Variants in SHROOM3 observed in about 807,000 individuals in gnomAD.
The protein encoded by SHROOM3 is shroom family member 3, also known as protein Shroom3.
Under a neutral mutation model 138.6 loss-of-function variants are expected in SHROOM3, and 47 were observed. The ratio of observed to expected loss-of-function variants is 0.34; its 90% CI spans 0.27 to 0.43. The LOEUF (loss-of-function observed/expected upper bound fraction) is 0.43, where lower values mean the gene tolerates loss of function less well. SHROOM3 is among the 20% of genes least tolerant of loss of function. SHROOM3 has a pLI of 1.00. For missense variants in SHROOM3, 2,491 were observed against 2,596.5 expected, an observed-to-expected ratio of 0.96 and a Z score of 0.88; for synonymous variants, 1,062 against 1,063.3, an observed-to-expected ratio of 1.00 and a Z score of 0.02.
chr4:76,688,650 A>G, intron 2 of SHROOM3: 1 of 985,328 alleles, frequency 1.0e-6, no homozygotes, highest in East Asian at 1.1e-4. Context: ...GATGAAACTT[A>G]AACTAGCACC....
chr4:76,708,486 A>G (rs1245670318), intron 2 of SHROOM3, among the ~76,000 whole-genome samples: 1 of 152,134 alleles, frequency 6.6e-6, no homozygotes, highest in African/African-American at 2.4e-5. Context: ...CCTGGTCTTG[A>G]TTGTTTTCCC....
intron 1 of SHROOM3, among the ~76,000 whole-genome samples, chr4:76,473,611 A>G (rs1731422920): frequency 6.6e-6 from 1 of 152,192 alleles, no homozygotes; most frequent in Admixed American, 6.5e-5. Flanking sequence ...TCTGTCTCAA[A>G]AAAAGAAAAA....
At chr4:76,659,027 CAAACCAAAAAA>C (rs1403303995) in intron 2 of SHROOM3, among the ~76,000 whole-genome samples, 4 of 80,794 alleles carry the variant, frequency 5.0e-5, no homozygotes, top group Non-Finnish European at 8.7e-5. Context: ...TATGATTAAA[CAAACCAAAAAA>C]AAAAAGGCTC....
chr4:76,568,205 C>A (rs2110036584), intron 2 of SHROOM3, among the ~76,000 whole-genome samples: 1 of 152,314 alleles, frequency 6.6e-6, no homozygotes, highest in Admixed American at 6.5e-5. Flanking sequence ...GCCAGGCTGC[C>A]TGACATTGCC....
At chr4:76,544,306 A>G (rs1733165045) in intron 1 of SHROOM3, among the ~76,000 whole-genome samples, 1 of 151,928 alleles carries the variant, frequency 6.6e-6, no homozygotes, top group South Asian at 2.1e-4. Flanking sequence ...TAAAACACTT[A>G]TATCACATTG....
chr4:76,651,401 A>ATATATAT lies in SHROOM3; in HGVS notation c.324-58755_324-58754insTATATAT, dbSNP rs1735955382. On this transcript the variant is annotated intron_variant, in intron 2 of 10. Transcript: ENST00000296043. ...ATTAACACATCTCATGTAACCCATA[A>ATATATAT]ATATATATATATATATATATATATA... 7.6e-4 allele frequency among the ~76,000 whole-genome samples: 66 copies of ATATATAT among 86,754 alleles called. 1 individual carries two copies. The highest frequency in any genetic ancestry group is 1.4e-3 in the Non-Finnish European group (58 of 41,174). The allele number at this position is 86,754 out of a possible 152,430, so 56.9% of individuals were successfully genotyped here.
At chr4:76,607,991 A>G (rs1249805140) in intron 2 of SHROOM3, among the ~76,000 whole-genome samples, 1 of 152,138 alleles carries the variant, frequency 6.6e-6, no homozygotes, top group Non-Finnish European at 1.5e-5. Flanking sequence ...TCACTCCAAA[A>G]CAGTGCCCAG....
chr4:76,562,911 A>T (rs1280676012), intron 2 of SHROOM3, among the ~76,000 whole-genome samples: 1 of 152,234 alleles, frequency 6.6e-6, no homozygotes, highest in Admixed American at 6.5e-5. Context: ...TTTTTTTCTT[A>T]TAAATTGACA....
At chr4:76,669,687 AT>A (rs1461105334) in intron 2 of SHROOM3, among the ~76,000 whole-genome samples, 1 of 152,192 alleles carries the variant, frequency 6.6e-6, no homozygotes, top group Non-Finnish European at 1.5e-5. Context: ...TAAAAAAAAA[AT>A]AATAATTGTT....
In SHROOM3 at chr4:76,778,935, C is replaced by T. The variant is rs1245675026; in HGVS notation, c.5749C>T (p.Gln1917Ter). 6.2e-7 allele frequency: 1 copy of T among 1,613,782 alleles called. No individual in the cohort carries two copies. Among genetic ancestry groups the T allele is most frequent in the Non-Finnish European group, 8.5e-7 (1 of 1,180,046 alleles). The change falls in exon 11 of 11, where the codon CAG (glutamine) becomes TAG (stop). Residue 1917 changes from glutamine to a stop codon, truncating the protein, a stop_gained. Coordinates refer to ENST00000296043, the MANE Select transcript of SHROOM3 (RefSeq NM_020859.4). LOFTEE classifies it low-confidence loss of function (END_TRUNC). ...GILANYLSEEQLQDYQHFVKM... is the reference protein window; with the variant it reads ...GILANYLSEE ...CTTGGCCAATTACCTTTCAGAGGAG[C>T]AGCTCCAGGACTACCAGCACTTCGT...
chr4:76,609,945 C>T (rs892341908), intron 2 of SHROOM3, among the ~76,000 whole-genome samples: 1 of 152,046 alleles, frequency 6.6e-6, no homozygotes, highest in South Asian at 2.1e-4. Flanking sequence ...TACCTGGTAC[C>T]CATTTTGTTT....
intron 2 of SHROOM3, among the ~76,000 whole-genome samples, chr4:76,597,474 AT>A (rs1305490668): frequency 7.9e-5 from 12 of 152,062 alleles, no homozygotes; most frequent in Admixed American, 2.0e-4. Flanking sequence ...TATTTTTACT[AT>A]TTTGTTATGA....
intron 2 of SHROOM3, among the ~76,000 whole-genome samples, chr4:76,558,092 G>T (rs1410070566): frequency 1.3e-5 from 2 of 152,180 alleles, no homozygotes; most frequent in African/African-American, 4.8e-5. Flanking sequence ...CACTCCTGAT[G>T]TGTTTCAACA....
chr4:76,772,174 G>C (rs1008171542), intron 10 of SHROOM3, among the ~76,000 whole-genome samples: 5 of 146,712 alleles, frequency 3.4e-5, no homozygotes, highest in African/African-American at 1.3e-4. Flanking sequence ...CGCAATCTAA[G>C]CTCACTGCAA....
chr4:76,766,141 G>T (rs749312317), intron 9 of SHROOM3, among the ~76,000 whole-genome samples: 1 of 152,182 alleles, frequency 6.6e-6, no homozygotes, highest in Non-Finnish European at 1.5e-5. Context: ...TTCCTCATCG[G>T]TAAACGGGGA....
intron 2 of SHROOM3, among the ~76,000 whole-genome samples, chr4:76,680,324 A>G (rs1719155648): frequency 6.6e-6 from 1 of 152,108 alleles, no homozygotes; most frequent in Admixed American, 6.5e-5. Flanking sequence ...GTATTTTAGT[A>G]GACACGGGGT....
Position 76,740,354 on chromosome 4 carries a change from G to A in SHROOM3, c.2181G>A (p.Gly727=). 6.2e-7 allele frequency: 1 copy of A among 1,613,116 alleles called. No homozygotes were observed. The highest frequency in any genetic ancestry group is 8.5e-7 in the Non-Finnish European group (1 of 1,180,022). ...AGGTTTCCTACCCGCGGCCCGAGGG[G>A]AGGACCGGTGCCTCGGCTTCTTTCA... The part of the protein sequence containing the change: ...DRQVSYPRPE[G]RTGASASFNS... Residue 727 remains glycine (G), a synonymous_variant, in exon 5 of 11, where the codon GGG becomes GGA. Coordinates refer to ENST00000296043, the MANE Select transcript of SHROOM3 (RefSeq NM_020859.4). This position sits in a 1 kb window ranked among gnomAD's most constrained non-coding sequence, Gnocchi z 4.0.
chr4:76,542,119 CT>C (rs1430880213), intron 1 of SHROOM3, among the ~76,000 whole-genome samples: 2 of 150,008 alleles, frequency 1.3e-5, no homozygotes, highest in African/African-American at 4.9e-5. Context: ...TTATGCTAAG[CT>C]TTACATTCAT....
At chr4:76,618,673 A>G (rs562811544) in intron 2 of SHROOM3, among the ~76,000 whole-genome samples, 9 of 152,190 alleles carry the variant, frequency 5.9e-5, no homozygotes, top group Non-Finnish European at 1.0e-4. Context: ...CAATATTTCA[A>G]TGCATATTTC....
Sources: gnomAD v4.1 joint callset for allele counts (sites outside exome capture counted in the v4.1 genomes callset) on GRCh38, gnomAD v4.1.1 for gene constraint, Gnocchi (gnomAD v3.1) non-coding constraint, MANE v1.5 for transcripts, NCBI Gene and HGNC (gene_info 2026-07-23, HGNC 2026-07-21) for gene names.